Variants in KMT2C observed in about 807,000 individuals in gnomAD.
The protein encoded by KMT2C is lysine methyltransferase 2C.
Under a neutral mutation model 507.9 loss-of-function variants are expected in KMT2C, and 88 were observed. The observed-to-expected ratio is 0.17, with a 90% CI of 0.15 to 0.21. KMT2C has a LOEUF of 0.21. Ranked by LOEUF, KMT2C falls within the 10% of genes least tolerant of loss-of-function variation. The pLI, the probability that KMT2C is intolerant of heterozygous loss-of-function variation, is 1.00. For missense variants in KMT2C, 4,954 were observed against 5,957.8 expected (o/e 0.83, Z 5.55); for synonymous variants, 2,049 against 2,080.8 (o/e 0.98, Z 0.42).
At chr7:152,158,493 C>T (rs79629101) in intron 44 of KMT2C, among the ~76,000 whole-genome samples, 444 of 151,196 alleles carry the variant, frequency 2.9e-3, no homozygotes, top group African/African-American at 0.01. Context: ...TTTGATCTCT[C>T]GTGTCCTTGA....
At chr7:152,393,019 C>T (rs1437427474) in intron 1 of KMT2C, among the ~76,000 whole-genome samples, 1 of 152,074 alleles carries the variant, frequency 6.6e-6, no homozygotes, top group African/African-American at 2.4e-5. Flanking sequence ...ATTACTTGAG[C>T]CAGGGAGGTT....
intron 1 of KMT2C, chr7:152,367,752 G>A (rs1435921984): frequency 7.4e-6 from 8 of 1,081,592 alleles, no homozygotes; most frequent in Admixed American, 1.7e-5. Context: ...CGATTACATT[G>A]ATAGTAAATC....
chr7:152,373,731 T>C (rs893919514), intron 1 of KMT2C, among the ~76,000 whole-genome samples: 5 of 152,160 alleles, frequency 3.3e-5, no homozygotes, highest in Admixed American at 6.6e-5. Flanking sequence ...ATAACTTTTC[T>C]ATACAGCATA....
At chr7:152,205,395 CAAA>C (rs35077313) in intron 24 of KMT2C, among the ~76,000 whole-genome samples, 170 bp from the exon 25 acceptor site, 1 of 57,170 alleles carries the variant, frequency 1.7e-5, no homozygotes, top group Non-Finnish European at 3.8e-5. Context: ...TAAAAACGAC[CAAA>C]AAAAAAAAAA....
chr7:152,324,398 T>C (rs1237972605), intron 3 of KMT2C, among the ~76,000 whole-genome samples: 1 of 151,804 alleles, frequency 6.6e-6, no homozygotes, highest in Non-Finnish European at 1.5e-5. Flanking sequence ...CACTTTGCAT[T>C]CATGAATTGA....
chr7:152,227,195 T>C (rs1432746771), intron 18 of KMT2C, among the ~76,000 whole-genome samples: 1 of 152,252 alleles, frequency 6.6e-6, no homozygotes, highest in Non-Finnish European at 1.5e-5. Context: ...TGACTTCTAG[T>C]ACTTCAACAC....
chr7:152,315,003 G>A, intron 4 of KMT2C, 135 bp downstream of exon 4: 1 of 688,554 alleles, frequency 1.5e-6, no homozygotes, highest in East Asian at 2.7e-5. Context: ...GTGAGTCAGA[G>A]TATCCCATAA....
intron 6 of KMT2C, among the ~76,000 whole-genome samples, chr7:152,309,565 G>C (rs1354147755): frequency 7.3e-6 from 1 of 136,086 alleles, no homozygotes; most frequent in Non-Finnish European, 1.5e-5. Flanking sequence ...TGTCACCCAG[G>C]TTGGAGTGCA....
intron 5 of KMT2C, 145 bp from the exon 6 acceptor site, chr7:152,310,220 T>C: frequency 5.0e-6 from 3 of 599,612 alleles, no homozygotes; most frequent in East Asian, 2.9e-5. Context: ...AAAGTGGCCC[T>C]TCTAAAAATG....
chr7:152,277,984 T>C lies in KMT2C; in HGVS notation c.850-4117A>G, dbSNP rs141621591. Among the ~76,000 whole-genome samples, 1,152 of 152,300 alleles carry C rather than the reference T, an allele frequency of 7.6e-3. 15 individuals carry two copies. The highest frequency in any genetic ancestry group is 0.027 in the African/African-American group (1,110 of 41,574). On this transcript the variant is annotated intron_variant, in intron 6 of 58. Transcript: ENST00000262189. ...GACTTCATTTATGTATGTGTGTGTG[T>C]GTACACATATATAATATGAAATAAA...
chr7:152,165,682 T>A (rs914326774), intron 42 of KMT2C, among the ~76,000 whole-genome samples: 1 of 152,070 alleles, frequency 6.6e-6, no homozygotes, highest in Non-Finnish European at 1.5e-5. Context: ...TTTTTGGGAT[T>A]TTTTTTGTTT....
At chr7:152,297,055 C>CAGACAGACAGAGAGAGAG (rs1315629061) in intron 6 of KMT2C, among the ~76,000 whole-genome samples, 217 of 84,422 alleles carry the variant, frequency 2.6e-3, no homozygotes, top group Middle Eastern at 6.0e-3. Flanking sequence ...GAAAGAAAGA[C>CAGACAGACAGAGAGAGAG]AGAGAGAGAG....
At chr7:152,168,950 G>GT (rs923017852) in intron 41 of KMT2C, among the ~76,000 whole-genome samples, 1 of 152,156 alleles carries the variant, frequency 6.6e-6, no homozygotes, top group Non-Finnish European at 1.5e-5. Flanking sequence ...GGGGAAGATG[G>GT]TTTTTCTGTA....
chr7:152,253,398 G>A (rs149402113), intron 9 of KMT2C, among the ~76,000 whole-genome samples: 115 of 151,556 alleles, frequency 7.6e-4, no homozygotes, highest in African/African-American at 1.8e-3. Flanking sequence ...TGGCCAGCCT[G>A]GTGTGATGGT....
In KMT2C at chr7:152,148,513, T is replaced by TAG; in HGVS notation, c.13412_13413dup (p.Ser4472LeufsTer46). 6.2e-7 allele frequency: 1 copy of TAG among 1,614,246 alleles called. No individual in the cohort carries two copies. Among genetic ancestry groups the TAG allele is most frequent in the African/African-American group, 1.3e-5 (1 of 75,062 alleles). On this transcript the variant is annotated frameshift_variant, in exon 52 of 59. Coordinates refer to ENST00000262189, the MANE Select transcript of KMT2C (RefSeq NM_170606.3). LOFTEE classifies it high-confidence loss of function. The surrounding 1 kb of genome is among the most constrained non-coding windows in gnomAD (Gnocchi z 7.1). ...GTGCATCGAAATCTGTGGCATCCAC[T>TAG]AGTGGCACCCGTCTTGTGACAGAAG... is the stretch of plus-strand genomic sequence containing the variant.
At chr7:152,274,271 C>A (rs2096035992) in intron 6 of KMT2C, among the ~76,000 whole-genome samples, 1 of 151,964 alleles carries the variant, frequency 6.6e-6, no homozygotes, top group South Asian at 2.1e-4. Context: ...ATTTATGAGA[C>A]ATATTACTAT....
At chr7:152,329,873 T>C (rs1227626443) in intron 3 of KMT2C, among the ~76,000 whole-genome samples, 1 of 151,884 alleles carries the variant, frequency 6.6e-6, no homozygotes. Context: ...AGGCCCAGTG[T>C]AGTGGCTCAT....
intron 1 of KMT2C, among the ~76,000 whole-genome samples, chr7:152,385,328 G>A (rs976893454): frequency 2.8e-5 from 4 of 143,254 alleles, no homozygotes; most frequent in Non-Finnish European, 5.9e-5. Context: ...ATTGAGACGT[G>A]TTGGCCGGGC....
In KMT2C at chr7:152,416,426, T is replaced by A. The variant is rs200487733; in HGVS notation, c.161+19200A>T. On this transcript the variant is annotated intron_variant, in intron 1 of 58. Transcript: ENST00000262189. The stretch of plus-strand genomic sequence containing the variant: ...CGGGCATGGTGGCAGGCACCTGTAG[T>A]CCCAGCTACTCGGGAGGGAGGCTGA... Among the ~76,000 whole-genome samples, 11 of 152,400 alleles carry A rather than the reference T, an allele frequency of 7.2e-5. No individual in the cohort carries two copies. In the East Asian group the frequency reaches 1.7e-3, roughly 24 times the overall value.
Sources: gnomAD v4.1 joint callset for allele counts (sites outside exome capture counted in the v4.1 genomes callset) on GRCh38, gnomAD v4.1.1 for gene constraint, Gnocchi (gnomAD v3.1) non-coding constraint, MANE v1.5 for transcripts, NCBI Gene and HGNC (gene_info 2026-07-23, HGNC 2026-07-21) for gene names.